The following CD180 variants were observed in gnomAD, a reference collection of about 807,000 sequenced individuals.
The protein encoded by CD180 is CD180 molecule, also known as CD180 antigen.
In CD180, 11 loss-of-function variants were observed where a neutral mutation model predicts 10.7. That is an observed-to-expected ratio of 1.03 (90% CI 0.65 to 1.70). The LOEUF is 1.70. Ranked by LOEUF, CD180 falls within the 40% of genes most tolerant of loss-of-function variation. The pLI is 0.00. For missense variants in CD180, 729 were observed against 775.2 expected, an observed-to-expected ratio of 0.94 and a Z score of 0.71; for synonymous variants, 286 against 294.6, an observed-to-expected ratio of 0.97 and a Z score of 0.30.
intron 1 of CD180, among the ~76,000 whole-genome samples, chr5:67,196,331 G>A (rs988828543): frequency 2.0e-4 from 31 of 152,140 alleles, no homozygotes; most frequent in Non-Finnish European, 5.9e-5. Flanking sequence ...TGTTTGAAGA[G>A]GAGAAAAATT....
chr5:67,184,956 A>T (rs13189079), intron 2 of CD180, among the ~76,000 whole-genome samples: 1 of 152,164 alleles, frequency 6.6e-6, no homozygotes, highest in Non-Finnish European at 1.5e-5. Flanking sequence ...ACATATATAT[A>T]TACACACACA....
chr5:67,182,310 G>GCTTTT lies in CD180; in HGVS notation c.*542_*546dup, dbSNP rs1324771100. 1 of 152,060 alleles carries GCTTTT rather than the reference G, an allele frequency of 6.6e-6. No homozygotes were observed. The highest frequency in any genetic ancestry group is 1.5e-5 in the Non-Finnish European group (1 of 68,054). 9.4% of individuals were successfully genotyped at this position (152,060 alleles called of 1,614,324 possible). ...CAGCCTTTTCTTTTAAATTTATTAT[G>GCTTTT]CTTTTCTTTTCTTTTTTCATTTAAA... On this transcript the variant is annotated 3_prime_UTR_variant, in exon 3 of 3. Transcript: ENST00000256447.
In CD180 at chr5:67,196,707, A is replaced by G. The variant is rs1742412554; in HGVS notation, c.-66T>C. On this transcript the variant is annotated 5_prime_UTR_variant, in exon 1 of 3. Transcript: ENST00000256447. Reference sequence around the variant, plus strand: ...AGCTGAGAAATGGAATCAAACTGTGAAGGCCCTGGCAATTTGGCAGCCAGA... The same window carrying G: ...AGCTGAGAAATGGAATCAAACTGTGGAGGCCCTGGCAATTTGGCAGCCAGA... The G allele has an allele frequency of 3.1e-6, 5 of 1,601,984 alleles. No individual in the cohort carries two copies. Among genetic ancestry groups the G allele is most frequent in the Non-Finnish European group, 3.4e-6 (4 of 1,172,596 alleles).
Position 67,183,327 on chromosome 5 carries a change from A to G in CD180, c.1516T>C (p.Cys506Arg). 6.2e-7 allele frequency: 1 copy of G among 1,614,186 alleles called. No homozygotes were observed. Among genetic ancestry groups the G allele is most frequent in the South Asian group, 1.1e-5 (1 of 91,082 alleles). Residue 506 changes from cysteine (C) to arginine (R), a missense_variant, in exon 3 of 3, where the codon TGT becomes CGT. Physicochemically the swap from Cys to Arg is radical, Grantham distance 180. Coordinates refer to ENST00000256447, the MANE Select transcript of CD180 (RefSeq NM_005582.3). ...GSLEVLILSS[C>R]GLLSIDQQAF... Reference sequence around the variant, plus strand: ...TGCTGGTCTATAGAGAGGAGACCACAAGAGGACAAAATCAGAACCTCCAAG... The same window carrying G: ...TGCTGGTCTATAGAGAGGAGACCACGAGAGGACAAAATCAGAACCTCCAAG...
chr5:67,183,255 T>C lies in CD180; in HGVS notation c.1588A>G (p.Asn530Asp), dbSNP rs755889477. Reference protein sequence around the residue: ...GKMSHVDLSHNSLTCDSIDSL... With the variant: ...GKMSHVDLSHDSLTCDSIDSL... ...TCAATGCTGTCGCATGTCAGGCTGTTGTGGCTTAAGTCTACATGGCTCATT... is the reference window on the plus strand; with the variant it reads ...TCAATGCTGTCGCATGTCAGGCTGTCGTGGCTTAAGTCTACATGGCTCATT... Residue 530 changes from asparagine to aspartate, a missense_variant, in exon 3 of 3, where the codon AAC (asparagine) becomes GAC (aspartate). By Grantham distance (23) the Asn-to-Asp change is conservative. Coordinates refer to ENST00000256447, the MANE Select transcript of CD180 (RefSeq NM_005582.3). The C allele has an allele frequency of 1.2e-6, 2 of 1,614,158 alleles. No homozygotes were observed. Among genetic ancestry groups the C allele is most frequent in the South Asian group, 1.1e-5 (1 of 91,066 alleles).
chr5:67,190,363 A>G (rs1742277334), intron 1 of CD180, among the ~76,000 whole-genome samples: 1 of 152,232 alleles, frequency 6.6e-6, no homozygotes, highest in Non-Finnish European at 1.5e-5. Flanking sequence ...ACTGGGCCCC[A>G]GCAGACAGCA....
At position 67,186,001 on chromosome 5, in the gene CD180, G is replaced by A. The variant is rs749897460; in HGVS notation, c.107C>T (p.Thr36Ile). The A allele has an allele frequency of 8.8e-6, 14 of 1,586,718 alleles. No homozygotes were observed. Among genetic ancestry groups the A allele is most frequent in the Middle Eastern group, 1.7e-4 (1 of 6,004 alleles). ...QMCIEKEANK[T>I]YNCENLGLSE... ...GAGACCTAAATTTTCACAGTTATAT[G>A]TTTTGTTGGCTTCTTTCTGATGGGA... The change falls in exon 2 of 3, where the codon ACA becomes ATA. Residue 36 changes from threonine to isoleucine, a missense_variant. By Grantham distance (89) the Thr-to-Ile change is moderately conservative. Coordinates refer to ENST00000256447, the MANE Select transcript of CD180 (RefSeq NM_005582.3).
intron 1 of CD180, among the ~76,000 whole-genome samples, chr5:67,195,466 C>G (rs1308815697): frequency 2.0e-5 from 3 of 152,246 alleles, no homozygotes; most frequent in Non-Finnish European, 4.4e-5. Flanking sequence ...ATACACCCAC[C>G]TTGGCCTCCC....
intron 1 of CD180, among the ~76,000 whole-genome samples, chr5:67,187,735 T>C (rs1742225033): frequency 6.6e-6 from 1 of 152,162 alleles, no homozygotes. Flanking sequence ...TGAAGGAAAG[T>C]TCCTGCTATG....
In CD180 at chr5:67,196,698, CA is replaced by C; in HGVS notation, c.-58del. The C allele has an allele frequency of 6.3e-7, 1 of 1,587,110 alleles. No individual in the cohort carries two copies. Among genetic ancestry groups the C allele is most frequent in the Non-Finnish European group, 8.6e-7 (1 of 1,163,474 alleles). ...AATGCTTGGAGCTGAGAAATGGAATCAAACTGTGAAGGCCCTGGCAATTTGG... is the reference window on the plus strand; with the variant it reads ...AATGCTTGGAGCTGAGAAATGGAATCAACTGTGAAGGCCCTGGCAATTTGG... On this transcript the variant is annotated 5_prime_UTR_variant, in exon 1 of 3. An upstream open reading frame in the 5' UTR loses its in-frame stop. Coordinates refer to ENST00000256447, the MANE Select transcript of CD180 (RefSeq NM_005582.3).
At position 67,181,642 on chromosome 5, in the gene CD180, A is replaced by G; in HGVS notation, c.*1215T>C. The G allele has an allele frequency of 6.6e-6, 1 of 152,256 alleles. No individual in the cohort carries two copies. Among genetic ancestry groups the G allele is most frequent in the East Asian group, 1.9e-4 (1 of 5,194 alleles). 9.4% of individuals were successfully genotyped at this position (152,256 alleles called of 1,614,324 possible). ...ACCCTAAAATTGGTTATTGAACAGA[A>G]CAATGCACCACTTGAGTCCAGGAGC... is the stretch of plus-strand genomic sequence containing the variant. On this transcript the variant is annotated 3_prime_UTR_variant, in exon 3 of 3. Coordinates refer to ENST00000256447, the MANE Select transcript of CD180 (RefSeq NM_005582.3).
In CD180 at chr5:67,183,013, CG is replaced by C; in HGVS notation, c.1829del (p.Pro610ArgfsTer4). ...ATAGCTTAACTCCCCTTAGAGATGGCGGGTTTGCACACGTGGTCTCCTCCGA... is the reference window on the plus strand; with the variant it reads ...ATAGCTTAACTCCCCTTAGAGATGGCGGTTTGCACACGTGGTCTCCTCCGA... ...EGSEETTCAN[P>X]PSLRGVKLSD... On this transcript the variant is annotated frameshift_variant, in exon 3 of 3. Coordinates refer to ENST00000256447, the MANE Select transcript of CD180 (RefSeq NM_005582.3). LOFTEE classifies it low-confidence loss of function (END_TRUNC). 6.2e-7 allele frequency: 1 copy of C among 1,614,114 alleles called. No individual in the cohort carries two copies. The highest frequency in any genetic ancestry group is 8.5e-7 in the Non-Finnish European group (1 of 1,180,022).
chr5:67,196,060 CAG>C (rs1742396101), intron 1 of CD180, among the ~76,000 whole-genome samples: 1 of 152,176 alleles, frequency 6.6e-6, no homozygotes, highest in Non-Finnish European at 1.5e-5. Context: ...GTTAGTAAAA[CAG>C]ATGGAAGGCT....
rs528781707 is a variant in CD180 at position 67,181,719 on chromosome 5, G to A, written c.*1138C>T. The A allele has an allele frequency of 8.5e-5, 13 of 152,344 alleles. No individual in the cohort carries two copies. The highest frequency in any genetic ancestry group is 2.6e-4 in the African/African-American group (11 of 41,564). 9.4% of individuals were successfully genotyped at this position (152,344 alleles called of 1,614,324 possible). On this transcript the variant is annotated 3_prime_UTR_variant, in exon 3 of 3. Transcript: ENST00000256447. ...GACTTCAGAAGATACAGGCCTGTGT[G>A]AGTATGGCCCTTTAAGCCTAAGTCA...
chr5:67,192,855 C>A (rs992326353), intron 1 of CD180, among the ~76,000 whole-genome samples: 7 of 152,188 alleles, frequency 4.6e-5, no homozygotes, highest in African/African-American at 1.7e-4. Context: ...AGAGGTCACA[C>A]ATGTACTCTG....
intron 1 of CD180, 116 bp from the exon 2 acceptor site, chr5:67,186,133 A>C (rs1561235630): frequency 3.3e-6 from 2 of 613,922 alleles, no homozygotes; most frequent in African/African-American, 3.8e-5. Context: ...AATCTTTACC[A>C]AATATACACT....
At position 67,196,717 on chromosome 5, in the gene CD180, C is replaced by A; in HGVS notation, c.-76G>T. 6.5e-7 allele frequency: 1 copy of A among 1,550,266 alleles called. No homozygotes were observed. Among genetic ancestry groups the A allele is most frequent in the South Asian group, 1.1e-5 (1 of 89,224 alleles). On this transcript the variant is annotated 5_prime_UTR_variant, in exon 1 of 3. Transcript: ENST00000256447. ...TGGAATCAAACTGTGAAGGCCCTGGCAATTTGGCAGCCAGAGAGGTACTCA... is the reference window on the plus strand; with the variant it reads ...TGGAATCAAACTGTGAAGGCCCTGGAAATTTGGCAGCCAGAGAGGTACTCA...
rs182121442 is a variant in CD180 at position 67,192,015 on chromosome 5, C to T, written c.90+4537G>A. On this transcript the variant is annotated intron_variant, in intron 1 of 2. Coordinates refer to ENST00000256447, the MANE Select transcript of CD180 (RefSeq NM_005582.3). The stretch of plus-strand genomic sequence containing the variant: ...AAGAAACATGGGATAATATCACGGT[C>T]TTGAGGTAGGCAAAGATTTCTTAAA... Among the ~76,000 whole-genome samples the T allele has an allele frequency of 4.2e-3, 639 of 152,170 alleles. 7 individuals are homozygous for T. The highest frequency in any genetic ancestry group is 0.015 in the African/African-American group (613 of 41,506).
rs750115412 is a variant in CD180 at position 67,183,128 on chromosome 5, A to G, written c.1715T>C (p.Ile572Thr). Residue 572 changes from isoleucine (I) to threonine (T), a missense_variant, in exon 3 of 3, where the codon ATT becomes ACT. Physicochemically the swap from Ile to Thr is moderately conservative, Grantham distance 89. Transcript: ENST00000256447. ...LLPILSQQST[I>T]NLSHNPLDCT... is the part of the protein sequence containing the mutation. ...GTCCAGGGGGTTATGACTTAAATTA[A>G]TGGTGCTCTGCTGGGACAAGATAGG... The G allele has an allele frequency of 6.2e-7, 1 of 1,610,474 alleles. No homozygotes were observed. The highest frequency in any genetic ancestry group is 1.1e-5 in the South Asian group (1 of 90,752).
Sources: allele counts gnomAD v4.1 joint callset (sites outside exome capture counted in the v4.1 genomes callset), GRCh38; gene constraint gnomAD v4.1.1; transcripts MANE v1.5; gene names NCBI Gene and HGNC (gene_info 2026-07-23, HGNC 2026-07-21).